The following PPIP5K2 variants were observed in gnomAD, a reference collection of about 807,000 sequenced individuals.
The protein encoded by PPIP5K2 is inositol hexakisphosphate and diphosphoinositol-pentakisphosphate kinase 2.
Under a neutral mutation model 154.6 loss-of-function variants are expected in PPIP5K2, and 105 were observed. That is an observed-to-expected ratio of 0.68 (90% CI 0.58 to 0.80). The LOEUF is 0.80. Ranked by LOEUF, PPIP5K2 falls within the 30% of genes least tolerant of loss-of-function variation. The pLI is 0.00. For synonymous variants in PPIP5K2, 480 were observed against 490.3 expected, an observed-to-expected ratio of 0.98 and a Z score of 0.28; for missense variants, 992 against 1,504.6, an observed-to-expected ratio of 0.66 and a Z score of 5.64.
chr5:103,166,092 C>A (rs1192377997), intron 17 of PPIP5K2, among the ~76,000 whole-genome samples: 4 of 152,046 alleles, frequency 2.6e-5, no homozygotes, highest in African/African-American at 9.7e-5. Context: ...AAAGCACAAT[C>A]AAAGTAATGG....
At chr5:103,136,872 T>G (rs782814626) in intron 4 of PPIP5K2, 50 bp downstream of exon 4, 7 of 1,297,216 alleles carry the variant, frequency 5.4e-6, no homozygotes, top group Non-Finnish European at 7.8e-6. Flanking sequence ...AACATTAATT[T>G]AGTACCTACT....
At chr5:103,151,675 T>C (rs1261267176) in intron 9 of PPIP5K2, among the ~76,000 whole-genome samples, 1 of 151,402 alleles carries the variant, frequency 6.6e-6, no homozygotes, top group Non-Finnish European at 1.5e-5. Context: ...ATTTTTGCCA[T>C]GTAGTTATAG....
At chr5:103,145,729 G>A (rs1396143584) in intron 5 of PPIP5K2, among the ~76,000 whole-genome samples, 1 of 151,934 alleles carries the variant, frequency 6.6e-6, no homozygotes, top group African/African-American at 2.4e-5. Flanking sequence ...CTGGAGGGAA[G>A]GGTTGCAAGG....
At chr5:103,167,768 T>A (rs1554218358) in intron 18 of PPIP5K2, among the ~76,000 whole-genome samples, 1 of 151,920 alleles carries the variant, frequency 6.6e-6, no homozygotes, top group Non-Finnish European at 1.5e-5. Context: ...TATGTGAGTC[T>A]AATAAGAATA....
At chr5:103,125,580 T>C (rs537054103) in intron 1 of PPIP5K2, among the ~76,000 whole-genome samples, 1 of 152,274 alleles carries the variant, frequency 6.6e-6, no homozygotes, top group South Asian at 2.1e-4. Flanking sequence ...TGTCCATCTT[T>C]TATAAACTCT....
Position 103,155,805 on chromosome 5 carries a change from A to T in PPIP5K2, c.1404-104A>T. Reference sequence around the variant, plus strand: ...TGGTACAATTTTTTTTTGATAGAATATTTCGAAGAATTAAACAGGCGGTTA... The same window carrying T: ...TGGTACAATTTTTTTTTGATAGAATTTTTCGAAGAATTAAACAGGCGGTTA... On this transcript the variant is annotated intron_variant, in intron 13 of 30. Transcript: ENST00000358359. 4 of 765,454 alleles carry T rather than the reference A, an allele frequency of 5.2e-6. No homozygotes were observed. In the Admixed American group the frequency reaches 7.6e-5, roughly 14 times the overall value. 47.4% of individuals were successfully genotyped at this position (765,454 alleles called of 1,614,324 possible). A position where few individuals can be genotyped will look rare whatever the true frequency, so the allele number is the denominator to read the frequency against.
chr5:103,129,641 C>T lies in PPIP5K2; in HGVS notation c.52C>T (p.Pro18Ser). Residue 18 changes from proline to serine, a missense_variant, in exon 2 of 31, where the codon CCT (proline) becomes TCT (serine). By Grantham distance (74) the Pro-to-Ser change is moderately conservative. This residue lies in a region of PPIP5K2 where 153 missense variants were observed against 200.4 expected (regional missense o/e 0.76). Coordinates refer to ENST00000358359, the MANE Select transcript of PPIP5K2 (RefSeq NM_001276277.3). ...TGGACCAGAAGATACAGAAATAAAT[C>T]CTGGAAATTATCGACATTTCTTCCA... ...FVGPEDTEINPGNYRHFFHHA... is the reference protein window; with the variant it reads ...FVGPEDTEINSGNYRHFFHHA... 1 of 1,609,332 alleles carries T rather than the reference C, an allele frequency of 6.2e-7. No individual in the cohort carries two copies. Among genetic ancestry groups the T allele is most frequent in the South Asian group, 1.1e-5 (1 of 90,210 alleles).
chr5:103,137,239 T>C (rs1791669646), intron 4 of PPIP5K2, among the ~76,000 whole-genome samples: 1 of 151,494 alleles, frequency 6.6e-6, no homozygotes, highest in South Asian at 2.1e-4. Context: ...CTCAGCTCAC[T>C]GCAAGCTCCC....
Position 103,159,221 on chromosome 5 carries a change from T to C in PPIP5K2, c.1813T>C (p.Leu605=). 1.9e-6 allele frequency: 3 copies of C among 1,612,244 alleles called. No homozygotes were observed. The highest frequency in any genetic ancestry group is 2.5e-6 in the Non-Finnish European group (3 of 1,178,482). ...GAAAAGTGCAAATATGAACGGTCTT[T>C]TGGATAGTGATAGTGACTCTCTGAG... ...MVKSANMNGL[L]DSDSDSLSSC... Residue 605 remains leucine (L), a synonymous_variant, in exon 17 of 31, where the codon TTG becomes CTG. Transcript: ENST00000358359.
intron 4 of PPIP5K2, among the ~76,000 whole-genome samples, chr5:103,137,165 T>G (rs914879972): frequency 2.1e-5 from 3 of 145,936 alleles, no homozygotes; most frequent in African/African-American, 7.6e-5. Flanking sequence ...ATAACTAGAT[T>G]TTTTTTTTTT....
intron 17 of PPIP5K2, among the ~76,000 whole-genome samples, chr5:103,165,239 C>G (rs917937764): frequency 1.3e-5 from 2 of 151,980 alleles, no homozygotes; most frequent in Non-Finnish European, 2.9e-5. Context: ...TTACTTCCTC[C>G]TTGATCTCAT....
intron 3 of PPIP5K2, among the ~76,000 whole-genome samples, chr5:103,133,902 C>A (rs1554203458): frequency 6.6e-6 from 1 of 151,916 alleles, no homozygotes; most frequent in African/African-American, 2.4e-5. Flanking sequence ...TTTTTTTCCC[C>A]TACCATGTCA....
chr5:103,152,652 A>G lies in PPIP5K2; in HGVS notation c.1033A>G (p.Ile345Val). The change falls in exon 10 of 31, where the codon ATT becomes GTT. Residue 345 changes from isoleucine to valine, a missense_variant. By Grantham distance (29) the Ile-to-Val change is conservative. Around this residue, in one of 9 missense-constraint regions of PPIP5K2, gnomAD observed 163 missense variants for 285.2 expected, o/e 0.57. Transcript: ENST00000358359. ...CTTTTCTTTTTTGTCTTGAAGAAATATTGTAATGCGAGAACTTGCTCCACA... is the reference window on the plus strand; with the variant it reads ...CTTTTCTTTTTTGTCTTGAAGAAATGTTGTAATGCGAGAACTTGCTCCACA... ...YDDCAKILGN[I>V]VMRELAPQFH... The G allele has an allele frequency of 6.3e-7, 1 of 1,575,062 alleles. No individual in the cohort carries two copies. The highest frequency in any genetic ancestry group is 1.4e-5 in the African/African-American group (1 of 74,056).
chr5:103,179,888 A>G lies in PPIP5K2; in HGVS notation c.2755-133A>G, dbSNP rs1799247055. ...ACTAAGCTGTTAGAAGAGTTCAATT[A>G]ATGTTAATTCATCTGAGTAAACAAA... On this transcript the variant is annotated intron_variant, in intron 23 of 30. Coordinates refer to ENST00000358359, the MANE Select transcript of PPIP5K2 (RefSeq NM_001276277.3). 5 of 667,950 alleles carry G rather than the reference A, an allele frequency of 7.5e-6. No individual in the cohort carries two copies. In the South Asian group the frequency reaches 1.5e-4, roughly 20 times the overall value. 41.4% of individuals were successfully genotyped at this position (667,950 alleles called of 1,614,324 possible). A position where few individuals can be genotyped will look rare whatever the true frequency, so the allele number is the denominator to read the frequency against.
chr5:103,174,656 G>A lies in PPIP5K2; in HGVS notation c.2529+684G>A, dbSNP rs1798435878. Among the ~76,000 whole-genome samples, 4 of 152,122 alleles carry A rather than the reference G, an allele frequency of 2.6e-5. No individual in the cohort carries two copies. The South Asian group carries it at 8.3e-4, about 32-fold the overall frequency. On this transcript the variant is annotated intron_variant, in intron 21 of 30. Coordinates refer to ENST00000358359, the MANE Select transcript of PPIP5K2 (RefSeq NM_001276277.3). ...AGTGAGCTTCCTATGAGAGCAAGGT[G>A]CAAGTGCATGGCATTTTTATGACCT...
rs558938015 is a variant in PPIP5K2, at chr5:103,142,323, A to T, written c.487+3854A>T. Among the ~76,000 whole-genome samples, 8 of 152,206 alleles carry T rather than the reference A, an allele frequency of 5.3e-5. No homozygotes were observed. In the South Asian group the frequency reaches 1.2e-3, roughly 24 times the overall value. ...AGGGCCAGGCTGGCCGGCTGCTCCG[A>T]GTGCGGGGCCCGCCAAGCCCAAGCC... On this transcript the variant is annotated intron_variant, in intron 5 of 30. Transcript: ENST00000358359.
At chr5:103,142,240 G>C (rs1157993645) in intron 5 of PPIP5K2, among the ~76,000 whole-genome samples, 1 of 152,128 alleles carries the variant, frequency 6.6e-6, no homozygotes, top group South Asian at 2.1e-4. Flanking sequence ...TGGCACTGCC[G>C]GGGGACCCAG....
chr5:103,177,555 T>C, intron 21 of PPIP5K2, 112 bp from the exon 22 acceptor site: 1 of 609,892 alleles, frequency 1.6e-6, no homozygotes, highest in African/African-American at 1.9e-5. Context: ...ATATGATAAG[T>C]ATTCACTTTA....
Position 103,158,450 on chromosome 5 carries a change from A to G in PPIP5K2, c.1616-2A>G. The G allele has an allele frequency of 6.2e-7, 1 of 1,601,032 alleles. No homozygotes were observed. Among genetic ancestry groups the G allele is most frequent in the South Asian group, 1.1e-5 (1 of 87,802 alleles). ...TGAAGTGATTTGAGGATTTATTTTC[A>G]GGAGATTATGCAGGATTTCCTGGTT... On this transcript the variant is annotated splice_acceptor_variant, in intron 15 of 30. Transcript: ENST00000358359. LOFTEE classifies it high-confidence loss of function.
Sources: allele counts gnomAD v4.1 joint callset (sites outside exome capture counted in the v4.1 genomes callset), GRCh38; gene constraint gnomAD v4.1.1; regional missense constraint gnomAD v4.1.1; transcripts MANE v1.5; gene names NCBI Gene and HGNC (gene_info 2026-07-23, HGNC 2026-07-21).